Variants in VWA8 observed in about 807,000 individuals in gnomAD.
VWA8 encodes the protein von Willebrand factor A domain-containing protein 8.
VWA8 carries 221 observed loss-of-function variants against 241.5 expected under a neutral mutation model. The observed-to-expected ratio is 0.91, with a 90% confidence interval of 0.82 to 1.02. The LOEUF (loss-of-function observed/expected upper bound fraction) is 1.02. Ranked by LOEUF, VWA8 falls within the 50% of genes least tolerant of loss-of-function variation. The pLI, the probability that VWA8 is intolerant of heterozygous loss-of-function variation, is 0.00. For synonymous variants in VWA8, 852 were observed against 827.1 expected, an observed-to-expected ratio of 1.03 and a Z score of -0.52; for missense variants, 2,322 against 2,328.7, an observed-to-expected ratio of 1.00 and a Z score of 0.06.
chr13:41,570,543 GCAAACTTAGCA>G lies in VWA8; in HGVS notation c.5523_5533del (p.Ala1842SerfsTer21). ...TTGAGGGTCTCTTGTGAGGATTTGA[GCAAACTTAGCA>G]GGATGTATTCCATATCGTGACAGAT... On this transcript the variant is annotated frameshift_variant, in exon 44 of 45. Coordinates refer to ENST00000379310, the MANE Select transcript of VWA8 (RefSeq NM_015058.2). LOFTEE classifies it high-confidence loss of function. The G allele has an allele frequency of 6.2e-7, 1 of 1,614,184 alleles. No individual in the cohort carries two copies.
chr13:41,897,946 G>A (rs181071984), intron 4 of VWA8, among the ~76,000 whole-genome samples: 3 of 152,298 alleles, frequency 2.0e-5, no homozygotes, highest in Admixed American at 1.3e-4. Flanking sequence ...TTTTGACAGG[G>A]CGCTGACTGG....
chr13:41,569,958 AGT>A (rs1245637286), intron 44 of VWA8, among the ~76,000 whole-genome samples: 1 of 152,084 alleles, frequency 6.6e-6, no homozygotes, highest in African/African-American at 2.4e-5. Flanking sequence ...GATACATGTG[AGT>A]GTGTCTATAT....
chr13:41,571,295 C>CAA (rs2139630435), intron 43 of VWA8, among the ~76,000 whole-genome samples: 1 of 148,250 alleles, frequency 6.7e-6, no homozygotes, highest in South Asian at 2.1e-4. Flanking sequence ...CTCCCTCTCC[C>CAA]GTCTCCCTCT....
chr13:41,905,041 A>G (rs1012011770), intron 4 of VWA8: 3 of 152,172 alleles, frequency 2.0e-5, no homozygotes, highest in African/African-American at 7.2e-5. Flanking sequence ...TAGGTTTGGA[A>G]TAAATACCAT....
At chr13:41,627,084 A>G (rs917367839) in intron 37 of VWA8, among the ~76,000 whole-genome samples, 9 of 152,186 alleles carry the variant, frequency 5.9e-5, no homozygotes, top group African/African-American at 2.2e-4. Flanking sequence ...CAAAAAAAAC[A>G]AACAACCCAT....
chr13:41,764,598 T>C (rs556831412), intron 20 of VWA8, among the ~76,000 whole-genome samples: 4 of 152,038 alleles, frequency 2.6e-5, no homozygotes, highest in African/African-American at 9.7e-5. Context: ...GATCGAGATA[T>C]CAAGGAACTA....
chr13:41,778,096 T>A (rs2137929316), intron 19 of VWA8, 40 bp from the exon 20 acceptor site: 2 of 1,484,446 alleles, frequency 1.3e-6, no homozygotes, highest in Middle Eastern at 3.5e-4. Flanking sequence ...TTTTGTACAA[T>A]CAAGGTTAAA....
intron 9 of VWA8, among the ~76,000 whole-genome samples, chr13:41,870,733 G>C (rs771608457): frequency 6.6e-6 from 1 of 151,906 alleles, no homozygotes; most frequent in Non-Finnish European, 1.5e-5. Context: ...CCCACAGCTA[G>C]AGTAGTGTCA....
chr13:41,955,316 G>T (rs367935202), intron 1 of VWA8, among the ~76,000 whole-genome samples: 1 of 152,216 alleles, frequency 6.6e-6, no homozygotes, highest in Non-Finnish European at 1.5e-5. Context: ...AAATACTATT[G>T]AAGTGTCTAA....
chr13:41,645,034 T>C (rs1000511515), intron 37 of VWA8, among the ~76,000 whole-genome samples: 3 of 152,340 alleles, frequency 2.0e-5, no homozygotes, highest in South Asian at 4.1e-4. Flanking sequence ...AGCACAGACA[T>C]TGGAACCAGT....
chr13:41,814,894 C>T (rs886555461), intron 16 of VWA8, among the ~76,000 whole-genome samples: 2 of 151,718 alleles, frequency 1.3e-5, no homozygotes, highest in Non-Finnish European at 2.9e-5. Context: ...AACTGAAATC[C>T]GAGAGAAGGA....
chr13:41,733,786 T>G (rs2045503999), intron 21 of VWA8, among the ~76,000 whole-genome samples: 1 of 152,166 alleles, frequency 6.6e-6, no homozygotes, highest in Admixed American at 6.5e-5. Flanking sequence ...GTACAGAACA[T>G]GTCCACACTG....
At chr13:41,591,050 G>A (rs1030652303) in intron 40 of VWA8, among the ~76,000 whole-genome samples, 2 of 152,140 alleles carry the variant, frequency 1.3e-5, no homozygotes, top group Non-Finnish European at 2.9e-5. Flanking sequence ...TAATGGGGGC[G>A]CATTTCTTAC....
intron 37 of VWA8, among the ~76,000 whole-genome samples, chr13:41,615,595 G>A (rs1256614306): frequency 6.6e-6 from 1 of 152,174 alleles, no homozygotes; most frequent in Non-Finnish European, 1.5e-5. Context: ...GTATGCCTTA[G>A]TGATAGATTT....
At chr13:41,870,653 G>GA (rs1307877851) in intron 9 of VWA8, among the ~76,000 whole-genome samples, 1 of 145,428 alleles carries the variant, frequency 6.9e-6, no homozygotes, top group African/African-American at 2.5e-5. Flanking sequence ...AAAAAAAAAA[G>GA]AAAAAAAATT....
At chr13:41,896,648 G>A (rs1875123523) in intron 4 of VWA8, among the ~76,000 whole-genome samples, 1 of 151,974 alleles carries the variant, frequency 6.6e-6, no homozygotes, top group South Asian at 2.1e-4. Flanking sequence ...ATGCAAATTA[G>A]CACCACAAAA....
chr13:41,644,864 CTT>C (rs1213638324), intron 37 of VWA8, among the ~76,000 whole-genome samples: 3 of 152,162 alleles, frequency 2.0e-5, no homozygotes, highest in African/African-American at 7.2e-5. Context: ...GAACTTAACT[CTT>C]GTTTATCCCA....
chr13:41,602,378 C>A (rs1409181525), intron 40 of VWA8, among the ~76,000 whole-genome samples: 1 of 152,110 alleles, frequency 6.6e-6, no homozygotes, highest in Non-Finnish European at 1.5e-5. Context: ...ACCTGCCTCG[C>A]TAGCCATACA....
chr13:41,812,107 G>A (rs573305111), intron 16 of VWA8, among the ~76,000 whole-genome samples: 2 of 152,120 alleles, frequency 1.3e-5, no homozygotes, highest in African/African-American at 4.8e-5. Context: ...AATGGCAATA[G>A]TAATGCCCTC....
Sources: gnomAD v4.1 joint callset for allele counts (sites outside exome capture counted in the v4.1 genomes callset) on GRCh38, gnomAD v4.1.1 for gene constraint, MANE v1.5 for transcripts, NCBI Gene and HGNC (gene_info 2026-07-23, HGNC 2026-07-21) for gene names.